The following PDE11A variants were observed in gnomAD, a reference collection of about 807,000 sequenced individuals.
PDE11A encodes the protein dual 3',5'-cyclic-AMP and -GMP phosphodiesterase 11A.
PDE11A carries 100 observed loss-of-function variants against 100.5 expected under a neutral mutation model. The ratio of observed to expected loss-of-function variants is 1.00; its 90% CI spans 0.85 to 1.18. PDE11A has a LOEUF of 1.18. Among genes scored for constraint, PDE11A ranks in the 50% most tolerant of loss-of-function variants. The probability of loss-of-function intolerance (pLI) is 0.00; values close to 1 mark genes in which losing one functional copy is unlikely to be tolerated. For synonymous variants in PDE11A, 381 were observed against 420.8 expected (o/e 0.91, Z 1.16); for missense variants, 1,141 against 1,152.6 (o/e 0.99, Z 0.15).
At chr2:177,870,291 G>A (rs376100539) in intron 5 of PDE11A, among the ~76,000 whole-genome samples, 13 of 152,238 alleles carry the variant, frequency 8.5e-5, no homozygotes, top group East Asian at 7.7e-4. Flanking sequence ...TTATTTCTAC[G>A]TTTTTCTGCA....
At chr2:177,818,007 A>G in intron 7 of PDE11A, 82 bp from the exon 8 acceptor site, 2 of 765,350 alleles carry the variant, frequency 2.6e-6, no homozygotes, top group East Asian at 2.5e-5. Flanking sequence ...AGCTAACTCT[A>G]TGCCTTTTTT....
chr2:177,776,192 G>C (rs1433893576), intron 9 of PDE11A, among the ~76,000 whole-genome samples: 1 of 151,904 alleles, frequency 6.6e-6, no homozygotes, highest in African/African-American at 2.4e-5. Context: ...AAAAATAGAG[G>C]ACACCCACAG....
At chr2:178,019,212 G>T (rs1198236606) in intron 1 of PDE11A, among the ~76,000 whole-genome samples, 1 of 152,148 alleles carries the variant, frequency 6.6e-6, no homozygotes, top group Admixed American at 6.5e-5. Context: ...ATTAAAATTA[G>T]AAAAAGCTGA....
At chr2:178,103,139 T>C (rs755150455) in intron 2 of PDE11A, among the ~76,000 whole-genome samples, 3 of 151,944 alleles carry the variant, frequency 2.0e-5, no homozygotes, top group African/African-American at 4.8e-5. Flanking sequence ...TCCAGGTTGT[T>C]TGTTGTAATT....
At chr2:177,998,442 C>A in intron 2 of PDE11A, 1 of 1,076,428 alleles carries the variant, frequency 9.3e-7, no homozygotes, top group Non-Finnish European at 1.4e-6. Flanking sequence ...TTCTGCAGAG[C>A]CATCTGACTC....
At chr2:177,805,094 T>C (rs1249626754) in intron 9 of PDE11A, among the ~76,000 whole-genome samples, 1 of 151,204 alleles carries the variant, frequency 6.6e-6, no homozygotes, top group Non-Finnish European at 1.5e-5. Flanking sequence ...TTAAAAAATA[T>C]ATATATATTT....
At chr2:177,695,798 T>C (rs1271085693) in intron 15 of PDE11A, among the ~76,000 whole-genome samples, 2 of 152,224 alleles carry the variant, frequency 1.3e-5, no homozygotes, top group Non-Finnish European at 2.9e-5. Context: ...GCTTTTCGTG[T>C]CTTAAGCTTT....
At chr2:177,957,080 CA>C (rs1209596025) in intron 2 of PDE11A, among the ~76,000 whole-genome samples, 1 of 149,768 alleles carries the variant, frequency 6.7e-6, no homozygotes, top group Admixed American at 6.6e-5. Context: ...AAGAAAAGAG[CA>C]AAAAAACAAA....
chr2:177,675,564 C>T lies in PDE11A; in HGVS notation c.2424-46G>A, dbSNP rs769465504. On this transcript the variant is annotated intron_variant, in intron 16 of 19. Transcript: ENST00000286063. ...AAACAGCCTGAATAATCTTTTGTTG[C>T]ATTCCTAAACAAACCCGTCCTAGAT... 1.1e-5 allele frequency: 16 copies of T among 1,437,814 alleles called. 1 individual carries two copies. The highest frequency in any genetic ancestry group is 5.8e-5 in the South Asian group (5 of 86,954). The allele number at this position is 1,437,814 out of a possible 1,614,324, so 89.1% of individuals were successfully genotyped here.
chr2:177,688,583 AC>A (rs2080993371), intron 15 of PDE11A, among the ~76,000 whole-genome samples: 1 of 151,544 alleles, frequency 6.6e-6, no homozygotes, highest in African/African-American at 2.4e-5. Flanking sequence ...TGTATCATTA[AC>A]TTCTCACGCA....
intron 14 of PDE11A, among the ~76,000 whole-genome samples, chr2:177,700,778 C>T (rs1382572392): frequency 6.6e-6 from 1 of 152,166 alleles, no homozygotes; most frequent in Non-Finnish European, 1.5e-5. Context: ...TGTTGGGCCG[C>T]TCATTATTTG....
At chr2:177,713,916 G>A (rs1004645452) in intron 12 of PDE11A, among the ~76,000 whole-genome samples, 1 of 150,524 alleles carries the variant, frequency 6.6e-6, no homozygotes, top group Non-Finnish European at 1.5e-5. Context: ...CTTGATTCCT[G>A]AAGGCAACTA....
In PDE11A at chr2:177,824,133, C is replaced by G. The variant is rs147055867; in HGVS notation, c.1501-3838G>C. On this transcript the variant is annotated intron_variant, in intron 6 of 19. Transcript: ENST00000286063. Reference sequence around the variant, plus strand: ...TCTTCTGGGAAAGTGGGAGTATGCACTCTCCCATCCCCATGGAGGATAACA... The same window carrying G: ...TCTTCTGGGAAAGTGGGAGTATGCAGTCTCCCATCCCCATGGAGGATAACA... Among the ~76,000 whole-genome samples, 3 of 152,038 alleles carry G rather than the reference C, an allele frequency of 2.0e-5. No individual in the cohort carries two copies. In the East Asian group the frequency reaches 5.8e-4, roughly 29 times the overall value.
At chr2:177,855,388 T>TCAAAA (rs1479819036) in intron 5 of PDE11A, among the ~76,000 whole-genome samples, 7 of 152,064 alleles carry the variant, frequency 4.6e-5, no homozygotes, top group African/African-American at 1.7e-4. Context: ...AAATCAACTT[T>TCAAAA]TTCAGAACTC....
intron 2 of PDE11A, among the ~76,000 whole-genome samples, chr2:178,083,713 T>C (rs1574389977): frequency 6.6e-6 from 1 of 152,226 alleles, no homozygotes; most frequent in Admixed American, 6.5e-5. Flanking sequence ...ATAAGTTTCC[T>C]AATAACTTCC....
chr2:177,790,236 A>G (rs1461877692), intron 9 of PDE11A, among the ~76,000 whole-genome samples: 1 of 149,040 alleles, frequency 6.7e-6, no homozygotes, highest in Non-Finnish European at 1.5e-5. Flanking sequence ...ATAACGCCAC[A>G]TATCTACAAC....
Position 177,625,620 on chromosome 2 carries a change from C to A in PDE11A, c.*3787G>T, listed in dbSNP as rs1484680949. 6.6e-6 allele frequency: 1 copy of A among 152,180 alleles called. No homozygotes were observed. Among genetic ancestry groups the A allele is most frequent in the Non-Finnish European group, 1.5e-5 (1 of 68,030 alleles). 9.4% of individuals were successfully genotyped at this position (152,180 alleles called of 1,614,324 possible). ...ATTAATGCCAAGAGACCTGAGGAAG[C>A]AAACATAATCTGGTCAGTTTGAGTT... On this transcript the variant is annotated 3_prime_UTR_variant, in exon 20 of 20. Coordinates refer to ENST00000286063, the MANE Select transcript of PDE11A (RefSeq NM_016953.4).
At chr2:177,963,562 C>T (rs1454798826) in intron 2 of PDE11A, among the ~76,000 whole-genome samples, 1 of 152,210 alleles carries the variant, frequency 6.6e-6, no homozygotes, top group Non-Finnish European at 1.5e-5. Flanking sequence ...AGCCACAGTT[C>T]AGCTTCCCAA....
intron 9 of PDE11A, among the ~76,000 whole-genome samples, chr2:177,795,934 ACTATATATATATAT>A (rs2082699585): frequency 2.8e-5 from 1 of 35,370 alleles, no homozygotes; most frequent in Admixed American, 3.1e-4. Context: ...TTTTGTTTAA[ACTATATATATATAT>A]ATATATATAT....
Sources: allele counts gnomAD v4.1 joint callset (sites outside exome capture counted in the v4.1 genomes callset), GRCh38; gene constraint gnomAD v4.1.1; transcripts MANE v1.5; gene names NCBI Gene and HGNC (gene_info 2026-07-23, HGNC 2026-07-21).